Variants in LRRIQ3 observed in about 807,000 individuals in gnomAD.
The protein encoded by LRRIQ3 is leucine-rich repeat and IQ domain-containing protein 3.
A neutral mutation model predicts 59.3 loss-of-function variants in LRRIQ3; 75 were observed. The observed-to-expected ratio is 1.26, with a 90% confidence interval of 1.05 to 1.53. LRRIQ3 has a LOEUF of 1.53. LRRIQ3 is among the 40% of genes most tolerant of loss of function. The probability of loss-of-function intolerance (pLI) is 0.00; values close to 1 mark genes in which losing one functional copy is unlikely to be tolerated. For synonymous variants in LRRIQ3, 250 were observed against 231.3 expected (o/e 1.08, Z -0.73); for missense variants, 831 against 710.0 (o/e 1.17, Z -1.94).
At chr1:74,174,548 A>ATTTTTTTT (rs34076332) in intron 3 of LRRIQ3, among the ~76,000 whole-genome samples, 2 of 134,634 alleles carry the variant, frequency 1.5e-5, no homozygotes, top group African/African-American at 2.8e-5. Flanking sequence ...ATGCCTGGCT[A>ATTTTTTTT]TTTTTTTTTT....
intron 4 of LRRIQ3, among the ~76,000 whole-genome samples, chr1:74,119,142 TTTA>T (rs142867758): frequency 0.43 from 64,641 of 151,714 alleles, 15,257 homozygotes; most frequent in East Asian, 0.77. Context: ...AAATTGTCAT[TTTA>T]TTTTTTAAAA....
chr1:74,029,796 T>G (rs547699149), intron 7 of LRRIQ3, among the ~76,000 whole-genome samples: 3 of 152,228 alleles, frequency 2.0e-5, no homozygotes, highest in Non-Finnish European at 4.4e-5. Context: ...CTTGTACCTC[T>G]GGTAGAATTC....
At chr1:74,142,599 T>C (rs1324427494) in intron 4 of LRRIQ3, among the ~76,000 whole-genome samples, 1 of 152,012 alleles carries the variant, frequency 6.6e-6, no homozygotes, top group East Asian at 1.9e-4. Context: ...TTCAGTGTCA[T>C]ATATTATATA....
intron 3 of LRRIQ3, among the ~76,000 whole-genome samples, chr1:74,174,040 AGTATAG>A (rs1433943512): frequency 6.6e-6 from 1 of 152,014 alleles, no homozygotes; most frequent in Non-Finnish European, 1.5e-5. Flanking sequence ...GGGCTGCCTA[AGTATAG>A]GTATCCATTT....
chr1:74,098,030 G>C (rs893443189), intron 5 of LRRIQ3, among the ~76,000 whole-genome samples: 2 of 152,120 alleles, frequency 1.3e-5, no homozygotes, highest in African/African-American at 4.8e-5. Flanking sequence ...ACATCATAAT[G>C]ACAGGATCAA....
At chr1:74,068,133 T>C (rs1313429813) in intron 6 of LRRIQ3, among the ~76,000 whole-genome samples, 3 of 152,108 alleles carry the variant, frequency 2.0e-5, no homozygotes, top group Admixed American at 2.0e-4. Context: ...CTGATATCAA[T>C]TTTTTCATCT....
intron 4 of LRRIQ3, 134 bp downstream of exon 4, chr1:74,155,593 CTTAAAG>C (rs1648270473): frequency 1.3e-5 from 8 of 606,292 alleles, no homozygotes; most frequent in Non-Finnish European, 2.1e-5. Context: ...TGGTATTTTT[CTTAAAG>C]TTAGGTTAAA....
At chr1:74,104,776 A>C (rs1037735101) in intron 5 of LRRIQ3, among the ~76,000 whole-genome samples, 3 of 152,016 alleles carry the variant, frequency 2.0e-5, no homozygotes, top group African/African-American at 7.2e-5. Context: ...AAAACCCATA[A>C]AGTGTACAAC....
chr1:74,108,795 T>G (rs1397908396), intron 5 of LRRIQ3: 1 of 267,034 alleles, frequency 3.7e-6, no homozygotes, highest in African/African-American at 2.3e-5. Flanking sequence ...TGGAGTCCGA[T>G]CCTACCTATT....
chr1:74,060,623 A>C (rs1654695442), intron 6 of LRRIQ3, among the ~76,000 whole-genome samples: 1 of 151,760 alleles, frequency 6.6e-6, no homozygotes, highest in African/African-American at 2.4e-5. Flanking sequence ...GCTGGGTGTG[A>C]TGGTGCATGA....
intron 4 of LRRIQ3, among the ~76,000 whole-genome samples, chr1:74,147,172 T>G (rs1331703451): frequency 6.6e-6 from 1 of 152,150 alleles, no homozygotes; most frequent in Non-Finnish European, 1.5e-5. Context: ...GAGGTTGCAG[T>G]GAGCTTAGAT....
intron 1 of LRRIQ3, among the ~76,000 whole-genome samples, chr1:74,195,325 C>T (rs137935794): frequency 4.7e-4 from 71 of 152,252 alleles, no homozygotes; most frequent in African/African-American, 1.5e-3. Flanking sequence ...GCATGCACTA[C>T]GAGCTCCACA....
At chr1:74,155,277 T>C (rs991063540) in intron 4 of LRRIQ3, among the ~76,000 whole-genome samples, 1 of 152,208 alleles carries the variant, frequency 6.6e-6, no homozygotes, top group Non-Finnish European at 1.5e-5. Context: ...GTTGAGAAAT[T>C]CTAGCAAAAA....
At chr1:74,156,866 C>T (rs1453611339) in intron 3 of LRRIQ3, among the ~76,000 whole-genome samples, 3 of 152,024 alleles carry the variant, frequency 2.0e-5, no homozygotes, top group Non-Finnish European at 4.4e-5. Context: ...GAAATAAGGT[C>T]ACTGTTTATG....
At chr1:74,082,202 A>AAAAC (rs1176308600) in intron 5 of LRRIQ3, 1 of 151,616 alleles carries the variant, frequency 6.6e-6, no homozygotes, top group Non-Finnish European at 1.5e-5. Context: ...TGTAGATGTG[A>AAAAC]AAACAAGAAA....
rs549064103 is a variant in LRRIQ3, at chr1:74,187,502, A to G, written c.1-3818T>C. Among the ~76,000 whole-genome samples, 67 of 152,186 alleles carry G rather than the reference A, an allele frequency of 4.4e-4. 1 individual carries two copies. Among genetic ancestry groups the G allele is most frequent in the Admixed American group, 1.9e-3 (29 of 15,276 alleles). ...ACTCAGGAATGGAAAACCAAATATCATAAGTTCTCACATATAAGTGTGAGC... is the reference window on the plus strand; with the variant it reads ...ACTCAGGAATGGAAAACCAAATATCGTAAGTTCTCACATATAAGTGTGAGC... On this transcript the variant is annotated intron_variant, in intron 1 of 7. Transcript: ENST00000354431.
intron 5 of LRRIQ3, among the ~76,000 whole-genome samples, chr1:74,102,886 T>C (rs1183927136): frequency 1.3e-5 from 2 of 152,096 alleles, no homozygotes; most frequent in South Asian, 2.1e-4. Flanking sequence ...TATCCACATA[T>C]ATGGAGCTAG....
intron 7 of LRRIQ3, among the ~76,000 whole-genome samples, chr1:74,036,907 G>A (rs1365574279): frequency 1.3e-5 from 2 of 152,152 alleles, no homozygotes. Context: ...AATGATTAGT[G>A]AAGCTACTTT....
chr1:74,098,064 T>C (rs1646473012), intron 5 of LRRIQ3, among the ~76,000 whole-genome samples: 1 of 152,104 alleles, frequency 6.6e-6, no homozygotes, highest in South Asian at 2.1e-4. Context: ...AATATTAACC[T>C]TAAATGTAAA....
Sources: allele counts gnomAD v4.1 joint callset (sites outside exome capture counted in the v4.1 genomes callset), GRCh38; gene constraint gnomAD v4.1.1; transcripts MANE v1.5; gene names NCBI Gene and HGNC (gene_info 2026-07-23, HGNC 2026-07-21).